Variants in DST observed in about 807,000 individuals in gnomAD.
DST encodes the protein bullous pemphigoid antigen.
Under a neutral mutation model 875.2 loss-of-function variants are expected in DST, and 253 were observed. The observed-to-expected ratio is 0.29, with a 90% CI of 0.26 to 0.32. DST has a LOEUF of 0.32. Ranked by LOEUF, DST falls within the 10% of genes least tolerant of loss-of-function variation. The pLI is 1.00. For missense variants in DST, 8,287 were observed against 9,111.6 expected (o/e 0.91, Z 3.68); for synonymous variants, 3,124 against 3,197.1 (o/e 0.98, Z 0.77).
In DST at chr6:56,733,968, G is replaced by A. The variant is rs115807316; in HGVS notation, c.687+1260C>T. Among the ~76,000 whole-genome samples, 984 of 152,156 alleles carry A rather than the reference G, an allele frequency of 6.5e-3. 12 individuals are homozygous for A. Among genetic ancestry groups the A allele is most frequent in the African/African-American group, 0.023 (954 of 41,522 alleles). On this transcript the variant is annotated intron_variant, in intron 5 of 103. Coordinates refer to ENST00000680361, the MANE Select transcript of DST (RefSeq NM_001374736.1). ...CTTTTAAGAATTATTTAAAAGACAG[G>A]GAACACGTCCCTAGCCTGAGTCAGC...
rs1014991563 is a variant in DST at position 56,778,847 on chromosome 6, T to C, written c.626-43558A>G. Among the ~76,000 whole-genome samples, 74 of 152,104 alleles carry C rather than the reference T, an allele frequency of 4.9e-4. 1 individual carries two copies. The highest frequency in any genetic ancestry group is 1.8e-3 in the African/African-American group (74 of 41,416). On this transcript the variant is annotated intron_variant, in intron 4 of 103. Transcript: ENST00000680361. ...TGAGTAGAGCTGCAATAAACATACG[T>C]GTGCATGTGTCTTTACAGCAGCATG...
intron 64 of DST, 130 bp downstream of exon 64, chr6:56,532,214 C>T (rs2096908256): frequency 1.2e-6 from 1 of 825,934 alleles, no homozygotes; most frequent in Non-Finnish European, 1.9e-6. Flanking sequence ...ACAATCTTTG[C>T]TATCTCTGTT....
At chr6:56,647,991 T>A (rs2098953699) in intron 13 of DST, among the ~76,000 whole-genome samples, 1 of 152,180 alleles carries the variant, frequency 6.6e-6, no homozygotes, top group Non-Finnish European at 1.5e-5. Context: ...CGGCCTATAA[T>A]GGCTTTTATA....
At chr6:56,554,311 C>T (rs911928777) in intron 60 of DST, among the ~76,000 whole-genome samples, 1 of 151,938 alleles carries the variant, frequency 6.6e-6, no homozygotes, top group African/African-American at 2.4e-5. Flanking sequence ...GTCTCGATCT[C>T]CTGACCTCGT....
chr6:56,492,194 CA>C (rs750869679), intron 85 of DST, 32 bp downstream of exon 85: 34 of 1,580,890 alleles, frequency 2.2e-5, no homozygotes, highest in Non-Finnish European at 2.6e-5. Flanking sequence ...GGTTTATTGA[CA>C]AGTTCAGAGA....
At position 56,458,835 on chromosome 6, in the gene DST, C is replaced by CAAA. The variant is rs1036860215; in HGVS notation, c.*167_*169dup. 1.2e-4 allele frequency: 86 copies of CAAA among 728,504 alleles called. No homozygotes were observed. In the African/African-American group the frequency reaches 1.3e-3, roughly 11 times the overall value. The allele number at this position is 728,504 out of a possible 1,614,324, so 45.1% of individuals were successfully genotyped here. A position where few individuals can be genotyped will look rare whatever the true frequency, so the allele number is the denominator to read the frequency against. On this transcript the variant is annotated 3_prime_UTR_variant, in exon 104 of 104. Coordinates refer to ENST00000680361, the MANE Select transcript of DST (RefSeq NM_001374736.1). ...GTGACTTTAACCCCAGAATATCTGACAAAAAAAATTATACAGATAAAATAA... is the reference window on the plus strand; with the variant it reads ...GTGACTTTAACCCCAGAATATCTGACAAAAAAAAAAATTATACAGATAAAATAA...
intron 9 of DST, among the ~76,000 whole-genome samples, chr6:56,676,772 T>A (rs2152836479): frequency 6.6e-6 from 1 of 150,830 alleles, no homozygotes; most frequent in Admixed American, 6.6e-5. Context: ...GCAAAATAAA[T>A]CAGGCACATA....
At chr6:56,738,418 G>A (rs575984094) in intron 4 of DST, among the ~76,000 whole-genome samples, 1 of 152,170 alleles carries the variant, frequency 6.6e-6, no homozygotes, top group Non-Finnish European at 1.5e-5. Flanking sequence ...CCTCCCAGGT[G>A]CAAGCGATTC....
chr6:56,545,784 G>A (rs573056468), intron 61 of DST, among the ~76,000 whole-genome samples: 1 of 152,224 alleles, frequency 6.6e-6, no homozygotes, highest in Admixed American at 6.5e-5. Flanking sequence ...GTAAGTAAAC[G>A]CACTATTATC....
intron 3 of DST, among the ~76,000 whole-genome samples, chr6:56,879,888 C>G (rs1157561614): frequency 3.3e-5 from 5 of 152,178 alleles, no homozygotes; most frequent in African/African-American, 1.2e-4. Context: ...ACTCTTAGCC[C>G]CTCCATGATA....
chr6:56,463,693 C>T lies in DST; in HGVS notation c.22831G>A (p.Ala7611Thr). The change falls in exon 101 of 104, where the codon GCT becomes ACT. Residue 7611 changes from alanine to threonine, a missense_variant. Around this residue, in one of 10 missense-constraint regions of DST, gnomAD observed 64 missense variants for 86.2 expected, o/e 0.74. Transcript: ENST00000680361. The stretch of plus-strand genomic sequence containing the variant: ...GATCTTCGGCCTCGGGGTCGGAAAG[C>T]AGCCATACCCTGGCTGGCACCATCT... ...LADGASQGMA[A>T]FRPRGRRSRP... 6.2e-7 allele frequency: 1 copy of T among 1,614,004 alleles called. No homozygotes were observed. Among genetic ancestry groups the T allele is most frequent in the South Asian group, 1.1e-5 (1 of 91,086 alleles).
chr6:56,661,884 G>A (rs898227054), intron 10 of DST, among the ~76,000 whole-genome samples: 5 of 152,072 alleles, frequency 3.3e-5, no homozygotes, highest in African/African-American at 4.8e-5. Flanking sequence ...CACCGCGCCC[G>A]GCCGACCCTC....
chr6:56,606,390 A>G lies in DST; in HGVS notation c.8238T>C (p.Ile2746=). The G allele has an allele frequency of 5.6e-6, 9 of 1,613,372 alleles. No individual in the cohort carries two copies. Among genetic ancestry groups the G allele is most frequent in the Non-Finnish European group, 7.6e-6 (9 of 1,179,582 alleles). The part of the protein sequence containing the change: ...DESDSLTDYD[I]VGGKESFTAS... ...CAGTGAAGCTCTCTTTTCCTCCTAC[A>G]ATATCATAATCAGTCAATGAGTCAG... is the stretch of plus-strand genomic sequence containing the variant. The change falls in exon 40 of 104, where the codon ATT becomes ATC. Residue 2746 remains isoleucine (I), a synonymous_variant. Transcript: ENST00000680361.
In DST at chr6:56,459,082, T is replaced by C; in HGVS notation, c.23380A>G (p.Thr7794Ala). 1 of 1,614,020 alleles carries C rather than the reference T, an allele frequency of 6.2e-7. No homozygotes were observed. Among genetic ancestry groups the C allele is most frequent in the Non-Finnish European group, 8.5e-7 (1 of 1,179,892 alleles). Residue 7794 changes from threonine to alanine, a missense_variant, in exon 104 of 104, where the codon ACA becomes GCA. By Grantham distance (58) the Thr-to-Ala change is moderately conservative (BLOSUM62 0). Around this residue, in one of 10 missense-constraint regions of DST, gnomAD observed 240 missense variants for 237.3 expected, o/e 1.01. Coordinates refer to ENST00000680361, the MANE Select transcript of DST (RefSeq NM_001374736.1). ...GTGGGGATTTTTGAAGGCTTCGCTG[T>C]GGATGGCCGAGAACCTGCTCGGGGT... is the stretch of plus-strand genomic sequence containing the variant. Reference protein sequence around the residue: ...PTPRAGSRPSTAKPSKIPTPQ... With the variant: ...PTPRAGSRPSAAKPSKIPTPQ...
chr6:56,794,769 C>G (rs1414463942), intron 4 of DST, among the ~76,000 whole-genome samples: 1 of 152,146 alleles, frequency 6.6e-6, no homozygotes, highest in Non-Finnish European at 1.5e-5. Flanking sequence ...ATTAAGCATG[C>G]CTTCACATCC....
intron 2 of DST, 127 bp downstream of exon 2, chr6:56,953,658 T>C (rs1345429405): frequency 3.2e-6 from 2 of 632,710 alleles, no homozygotes; most frequent in African/African-American, 3.9e-5. Flanking sequence ...AACATGCCAC[T>C]TTCGGCTAGG....
chr6:56,723,349 G>C (rs994059550), intron 5 of DST, among the ~76,000 whole-genome samples: 1 of 152,084 alleles, frequency 6.6e-6, no homozygotes, highest in Admixed American at 6.5e-5. Context: ...CAGACCACCT[G>C]AGGTCAGTGG....
chr6:56,586,269 T>A (rs1194188739), intron 49 of DST, among the ~76,000 whole-genome samples: 2 of 151,426 alleles, frequency 1.3e-5, no homozygotes, highest in Admixed American at 6.6e-5. Context: ...GCTTTATGAA[T>A]CTGGGTGCTC....
intron 49 of DST, among the ~76,000 whole-genome samples, chr6:56,580,779 C>T (rs376660078): frequency 7.4e-4 from 104 of 140,260 alleles, no homozygotes; most frequent in African/African-American, 2.6e-3. Flanking sequence ...GTTGCCCAGG[C>T]TGGAGTGCAC....
Sources: allele counts gnomAD v4.1 joint callset (sites outside exome capture counted in the v4.1 genomes callset), GRCh38; gene constraint gnomAD v4.1.1; regional missense constraint gnomAD v4.1.1; transcripts MANE v1.5; gene names NCBI Gene and HGNC (gene_info 2026-07-23, HGNC 2026-07-21).